SLC25A40: variants seen among roughly 807,000 people sequenced by gnomAD.
The protein encoded by SLC25A40 is mitochondrial glutathione transporter SLC25A40.
A neutral mutation model predicts 46.5 loss-of-function variants in SLC25A40; 41 were observed. The observed-to-expected ratio is 0.88, with a 90% CI of 0.69 to 1.14. SLC25A40 has a LOEUF of 1.14. SLC25A40 is among the 50% of genes most tolerant of loss of function. The pLI, the probability that SLC25A40 is intolerant of heterozygous loss-of-function variation, is 0.00. For missense variants in SLC25A40, 386 were observed against 393.6 expected (o/e 0.98, Z 0.16); for synonymous variants, 126 against 127.5 (o/e 0.99, Z 0.08).
In SLC25A40 at chr7:87,841,674, G is replaced by GT; in HGVS notation, c.781dup (p.Thr261AsnfsTer11). 6.5e-7 allele frequency: 1 copy of GT among 1,527,416 alleles called. No individual in the cohort carries two copies. Among genetic ancestry groups the GT allele is most frequent in the African/African-American group, 1.4e-5 (1 of 71,678 alleles). The allele number at this position is 1,527,416 out of a possible 1,614,324, so 94.6% of individuals were successfully genotyped here. A position where few individuals can be genotyped will look rare whatever the true frequency, so the allele number is the denominator to read the frequency against. The stretch of plus-strand genomic sequence containing the variant: ...TGTCCAAAGTTGTGTCTGCTTTTGT[G>GT]TTTTTACTACATCAAATGGTAAAGT... On this transcript the variant is annotated frameshift_variant, in exon 10 of 12. Coordinates refer to ENST00000341119, the MANE Select transcript of SLC25A40 (RefSeq NM_018843.4). LOFTEE classifies it high-confidence loss of function.
In SLC25A40 at chr7:87,833,925, A is replaced by T. The variant is rs2130991238; in HGVS notation, c.*2324T>A. The T allele has an allele frequency of 6.6e-6, 1 of 152,018 alleles. No homozygotes were observed. Among genetic ancestry groups the T allele is most frequent in the South Asian group, 2.1e-4 (1 of 4,824 alleles). The allele number at this position is 152,018 out of a possible 1,614,324, so 9.4% of individuals were successfully genotyped here. A position where few individuals can be genotyped will look rare whatever the true frequency, so the allele number is the denominator to read the frequency against. On this transcript the variant is annotated 3_prime_UTR_variant, in exon 12 of 12. Transcript: ENST00000341119. Reference sequence around the variant, plus strand: ...ACCATAATGAATAGTTTTCCTAGAAAAAAAAATATTGCCTTTTAAAAAAAA... The same window carrying T: ...ACCATAATGAATAGTTTTCCTAGAATAAAAAATATTGCCTTTTAAAAAAAA...
chr7:87,836,857 A>G (rs1838264379), intron 10 of SLC25A40, 47 bp from the exon 11 acceptor site: 1 of 1,161,404 alleles, frequency 8.6e-7, no homozygotes, highest in Non-Finnish European at 1.2e-6. Context: ...TAACAATTTA[A>G]TAATTCCTAC....
intron 1 of SLC25A40, among the ~76,000 whole-genome samples, chr7:87,866,005 C>G (rs1369250515): frequency 3.9e-5 from 6 of 151,918 alleles, no homozygotes; most frequent in Non-Finnish European, 5.9e-5. Context: ...ATCGCTTGAG[C>G]CCACAAAGCA....
intron 1 of SLC25A40, among the ~76,000 whole-genome samples, 155 bp from the exon 2 acceptor site, chr7:87,860,795 C>T (rs1838684337): frequency 6.6e-6 from 1 of 151,352 alleles, no homozygotes; most frequent in African/African-American, 2.4e-5. Flanking sequence ...AAAGAGCACT[C>T]CATAAATGCA....
At chr7:87,846,720 T>C (rs1270997591) in intron 8 of SLC25A40, among the ~76,000 whole-genome samples, 1 of 151,832 alleles carries the variant, frequency 6.6e-6, no homozygotes, top group African/African-American at 2.4e-5. Flanking sequence ...CACTAATTAA[T>C]GTAGAAAAGC....
intron 5 of SLC25A40, among the ~76,000 whole-genome samples, chr7:87,850,760 C>A (rs1838495183): frequency 6.6e-6 from 1 of 150,540 alleles, no homozygotes. Context: ...CAGAGTGAGA[C>A]CCTGTCTCAA....
intron 2 of SLC25A40, 103 bp from the exon 3 acceptor site, chr7:87,858,854 AC>A (rs1838653200): frequency 1.5e-6 from 1 of 655,684 alleles, no homozygotes; most frequent in Non-Finnish European, 2.7e-6. Flanking sequence ...TAGTAAGACA[AC>A]TAAGAGAGAA....
intron 10 of SLC25A40, among the ~76,000 whole-genome samples, chr7:87,838,184 T>G (rs1461995038): frequency 6.6e-6 from 1 of 151,468 alleles, no homozygotes; most frequent in African/African-American, 2.4e-5. Flanking sequence ...TGAATGAAAT[T>G]TAACTTTCTA....
intron 4 of SLC25A40, among the ~76,000 whole-genome samples, chr7:87,854,737 G>A (rs934697228): frequency 8.6e-5 from 13 of 150,298 alleles, no homozygotes; most frequent in South Asian, 2.1e-4. Flanking sequence ...GCGTGAACCC[G>A]GGAGGCAGAG....
At chr7:87,841,154 T>C (rs1417830056) in intron 10 of SLC25A40, among the ~76,000 whole-genome samples, 2 of 148,354 alleles carry the variant, frequency 1.3e-5, no homozygotes, top group Non-Finnish European at 3.0e-5. Flanking sequence ...TGTGTGTGTG[T>C]GTGTGTATAT....
At chr7:87,870,187 T>C (rs1838874498) in intron 1 of SLC25A40, among the ~76,000 whole-genome samples, 1 of 151,466 alleles carries the variant, frequency 6.6e-6, no homozygotes, top group South Asian at 2.1e-4. Flanking sequence ...ATTTTTTGGA[T>C]ACTAGATCCT....
At chr7:87,867,173 TTC>T (rs1434422455) in intron 1 of SLC25A40, among the ~76,000 whole-genome samples, 3 of 152,224 alleles carry the variant, frequency 2.0e-5, no homozygotes, top group Non-Finnish European at 4.4e-5. Context: ...TGGGAAAGTT[TTC>T]TGTTATTATT....
chr7:87,836,824 TAAAG>T lies in SLC25A40; in HGVS notation c.824-18_824-15del, dbSNP rs1374813746. 1.4e-6 allele frequency: 2 copies of T among 1,401,628 alleles called. No individual in the cohort carries two copies. Among genetic ancestry groups the T allele is most frequent in the Non-Finnish European group, 1.9e-6 (2 of 1,039,258 alleles). The allele number at this position is 1,401,628 out of a possible 1,614,324, so 86.8% of individuals were successfully genotyped here. ...AAGGCATAGAAACTAAATGTTAAAA[TAAAG>T]AAATAATGCTATTATAAATAACAAT... On this transcript the variant is annotated splice_polypyrimidine_tract_variant and intron_variant, in intron 10 of 11. Transcript: ENST00000341119.
In SLC25A40 at chr7:87,833,602, T is replaced by C. The variant is rs1838218085; in HGVS notation, c.*2647A>G. 1 of 151,958 alleles carries C rather than the reference T, an allele frequency of 6.6e-6. No homozygotes were observed. Among genetic ancestry groups the C allele is most frequent in the South Asian group, 2.1e-4 (1 of 4,830 alleles). The allele number at this position is 151,958 out of a possible 1,614,324, so 9.4% of individuals were successfully genotyped here. A position where few individuals can be genotyped will look rare whatever the true frequency, so the allele number is the denominator to read the frequency against. ...TAATATCTTTTATTTAAAAAGTTCA[T>C]CTTAGAAGAAAATTCAAAAGGGATA... On this transcript the variant is annotated 3_prime_UTR_variant, in exon 12 of 12. Coordinates refer to ENST00000341119, the MANE Select transcript of SLC25A40 (RefSeq NM_018843.4).
At position 87,836,743 on chromosome 7, in the gene SLC25A40, G is replaced by A. The variant is rs1394222074; in HGVS notation, c.891C>T (p.Ser297=). ...MKNIVAKNGF[S]GLFSGLIPRL... Reference sequence around the variant, plus strand: ...AAGTATTTTTACCTGAAAATAATCCGGAAAATCCATTTTTAGCAACAATGT... The same window carrying A: ...AAGTATTTTTACCTGAAAATAATCCAGAAAATCCATTTTTAGCAACAATGT... Residue 297 remains serine, a synonymous_variant, in exon 11 of 12, where the codon TCC becomes TCT. Transcript: ENST00000341119. The A allele has an allele frequency of 9.8e-6, 15 of 1,537,998 alleles. No homozygotes were observed. The highest frequency in any genetic ancestry group is 2.5e-5 in the South Asian group (2 of 79,690).
chr7:87,836,832 T>G (rs755674322), intron 10 of SLC25A40, 22 bp from the exon 11 acceptor site: 4 of 1,347,356 alleles, frequency 3.0e-6, no homozygotes, highest in Non-Finnish European at 4.0e-6. Context: ...AATAAAGAAA[T>G]AATGCTATTA....
chr7:87,866,580 G>C (rs1385210469), intron 1 of SLC25A40, among the ~76,000 whole-genome samples: 1 of 152,232 alleles, frequency 6.6e-6, no homozygotes, highest in Non-Finnish European at 1.5e-5. Flanking sequence ...GGGAAGCCAT[G>C]GGCGTCCTCT....
At chr7:87,869,891 C>T (rs147501368) in intron 1 of SLC25A40, among the ~76,000 whole-genome samples, 26 of 152,190 alleles carry the variant, frequency 1.7e-4, no homozygotes, top group African/African-American at 6.3e-4. Context: ...TTTCCGAAGC[C>T]GTTGAACCAT....
chr7:87,864,381 C>A (rs550531977), intron 1 of SLC25A40, among the ~76,000 whole-genome samples: 2 of 152,290 alleles, frequency 1.3e-5, no homozygotes, highest in South Asian at 4.1e-4. Flanking sequence ...TTGAAATACA[C>A]AACGGATTAG....
Sources: allele counts gnomAD v4.1 joint callset (sites outside exome capture counted in the v4.1 genomes callset), GRCh38; gene constraint gnomAD v4.1.1; transcripts MANE v1.5; gene names NCBI Gene and HGNC (gene_info 2026-07-23, HGNC 2026-07-21).